GPC5: variants seen among roughly 807,000 people sequenced by gnomAD.
GPC5 encodes the protein glypican-5.
Under a neutral mutation model 53.9 loss-of-function variants are expected in GPC5, and 47 were observed. That is an observed-to-expected ratio of 0.87 (90% confidence interval 0.69 to 1.11). The LOEUF is 1.11. GPC5 is among the 50% of genes most tolerant of loss of function. The pLI is 0.00. For missense variants in GPC5, 748 were observed against 713.1 expected (o/e 1.05, Z -0.56); for synonymous variants, 286 against 263.3 (o/e 1.09, Z -0.84).
chr13:91,750,893 C>T (rs1326113745), intron 4 of GPC5, among the ~76,000 whole-genome samples: 2 of 152,002 alleles, frequency 1.3e-5, no homozygotes, highest in African/African-American at 4.8e-5. Flanking sequence ...AACTCCTGAC[C>T]TCAGGTGATT....
At position 91,879,340 on chromosome 13, in the gene GPC5, G is replaced by T. The variant is rs375508935; in HGVS notation, c.1281-28597G>T. On this transcript the variant is annotated intron_variant, in intron 5 of 7. Coordinates refer to ENST00000377067, the MANE Select transcript of GPC5 (RefSeq NM_004466.6). ...GTAAGGACATATCTATAACTACTTT[G>T]CTAAATTTTATCGGTCATGCATGTT... Among the ~76,000 whole-genome samples the T allele has an allele frequency of 2.5e-4, 38 of 152,184 alleles. No individual in the cohort carries two copies. The East Asian group carries it at 3.5e-3, about 14-fold the overall frequency.
intron 6 of GPC5, among the ~76,000 whole-genome samples, chr13:92,025,626 C>T (rs557348576): frequency 7.9e-5 from 12 of 152,270 alleles, no homozygotes; most frequent in African/African-American, 2.9e-4. Context: ...ACTGTGTCAG[C>T]ACTTGCCAGT....
chr13:91,543,593 T>C (rs1173349356), intron 2 of GPC5, among the ~76,000 whole-genome samples: 1 of 147,954 alleles, frequency 6.8e-6, no homozygotes, highest in East Asian at 2.0e-4. Flanking sequence ...CTATACTCTG[T>C]CTACTTAAGT....
intron 2 of GPC5, among the ~76,000 whole-genome samples, chr13:91,494,779 C>T (rs1302731658): frequency 6.6e-6 from 1 of 152,116 alleles, no homozygotes; most frequent in African/African-American, 2.4e-5. Flanking sequence ...TTTCTCCCCC[C>T]TTATTGACTG....
rs2042718746 is a variant in GPC5, at chr13:92,255,183, C to G, written c.1561+110194C>G. 3.9e-5 allele frequency among the ~76,000 whole-genome samples: 6 copies of G among 152,112 alleles called. No individual in the cohort carries two copies. In the South Asian group the frequency reaches 1.2e-3, roughly 31 times the overall value. On this transcript the variant is annotated intron_variant, in intron 7 of 7. Transcript: ENST00000377067. ...TTCTTGGGAGTCTTGCAACCAACCT[C>G]CCAGGGATGTGAAGGATAACTGTAT... is the stretch of plus-strand genomic sequence containing the variant.
intron 7 of GPC5, among the ~76,000 whole-genome samples, chr13:92,429,537 A>T (rs1029619828): frequency 1.3e-5 from 2 of 151,900 alleles, no homozygotes; most frequent in Non-Finnish European, 2.9e-5. Flanking sequence ...TATTTATTTA[A>T]ATATTTACTT....
At chr13:92,405,959 A>G (rs1269815334) in intron 7 of GPC5, among the ~76,000 whole-genome samples, 3 of 152,210 alleles carry the variant, frequency 2.0e-5, no homozygotes, top group East Asian at 1.9e-4. Context: ...TTAAGTGTAT[A>G]CACACAAAAT....
chr13:92,404,886 A>G (rs1264466056), intron 7 of GPC5, among the ~76,000 whole-genome samples: 1 of 150,322 alleles, frequency 6.7e-6, no homozygotes, highest in Non-Finnish European at 1.5e-5. Context: ...CAAGGATAAT[A>G]TACTGTAAAT....
chr13:92,622,253 T>C (rs768240441), intron 7 of GPC5, among the ~76,000 whole-genome samples: 74 of 152,218 alleles, frequency 4.9e-4, no homozygotes, highest in Non-Finnish European at 9.0e-4. Flanking sequence ...CAGCTCCTCC[T>C]GGAGGTCTGT....
chr13:92,490,039 C>T (rs933242085), intron 7 of GPC5: 2 of 152,990 alleles, frequency 1.3e-5, no homozygotes, highest in Admixed American at 6.5e-5. Flanking sequence ...TGTCTGTTTA[C>T]ATACTCTTCT....
chr13:91,523,002 G>A (rs1457280416), intron 2 of GPC5, among the ~76,000 whole-genome samples: 1 of 152,120 alleles, frequency 6.6e-6, no homozygotes, highest in African/African-American at 2.4e-5. Flanking sequence ...TTTTTCAAAT[G>A]ACATATCATC....
At chr13:92,601,648 A>AGT (rs1471659811) in intron 7 of GPC5, among the ~76,000 whole-genome samples, 4 of 151,596 alleles carry the variant, frequency 2.6e-5, no homozygotes, top group Admixed American at 2.0e-4. Context: ...ATAAGATTTC[A>AGT]GTGTGTGTGT....
At chr13:92,240,166 T>C (rs1024688894) in intron 7 of GPC5, 2 of 152,094 alleles carry the variant, frequency 1.3e-5, no homozygotes, top group African/African-American at 2.4e-5. Flanking sequence ...TATATCTATT[T>C]GATATTATAT....
At chr13:92,796,849 C>T (rs1255512869) in intron 7 of GPC5, among the ~76,000 whole-genome samples, 1 of 151,680 alleles carries the variant, frequency 6.6e-6, no homozygotes, top group Non-Finnish European at 1.5e-5. Flanking sequence ...AATAAATAAC[C>T]CTCACATTTC....
At chr13:92,628,143 G>T (rs895372939) in intron 7 of GPC5, among the ~76,000 whole-genome samples, 8 of 151,726 alleles carry the variant, frequency 5.3e-5, no homozygotes, top group African/African-American at 1.9e-4. Flanking sequence ...GAAAAGAGAG[G>T]GACAGAGGCT....
At chr13:92,801,528 G>T (rs1173415590) in intron 7 of GPC5, among the ~76,000 whole-genome samples, 2 of 151,608 alleles carry the variant, frequency 1.3e-5, no homozygotes, top group Non-Finnish European at 2.9e-5. Flanking sequence ...ACTTTTTATT[G>T]TTATTTTAGA....
intron 5 of GPC5, among the ~76,000 whole-genome samples, chr13:91,880,100 A>G (rs2039247930): frequency 6.6e-6 from 1 of 152,112 alleles, no homozygotes; most frequent in Non-Finnish European, 1.5e-5. Context: ...AACACTGGTT[A>G]TAGGGACTTA....
chr13:92,809,208 G>A (rs1185071501), intron 7 of GPC5, among the ~76,000 whole-genome samples: 1 of 152,132 alleles, frequency 6.6e-6, no homozygotes, highest in South Asian at 2.1e-4. Flanking sequence ...TGGTCACACA[G>A]CATAACTGGT....
intron 7 of GPC5, among the ~76,000 whole-genome samples, chr13:92,424,996 C>A (rs1876767528): frequency 6.6e-6 from 1 of 152,044 alleles, no homozygotes; most frequent in African/African-American, 2.4e-5. Context: ...GCTTAACACA[C>A]CTAAAATGAA....
Sources: allele counts gnomAD v4.1 joint callset (sites outside exome capture counted in the v4.1 genomes callset), GRCh38; gene constraint gnomAD v4.1.1; transcripts MANE v1.5; gene names NCBI Gene and HGNC (gene_info 2026-07-23, HGNC 2026-07-21).